The following NLGN1 variants were observed in gnomAD, a reference collection of about 807,000 sequenced individuals.
The protein encoded by NLGN1 is neuroligin 1, also known as neuroligin-1.
A neutral mutation model predicts 65.5 loss-of-function variants in NLGN1; 12 were observed. The observed-to-expected ratio is 0.18, with a 90% CI of 0.12 to 0.30. The LOEUF is 0.30. NLGN1 is among the 10% of genes least tolerant of loss of function. The pLI is 1.00. For missense variants in NLGN1, 750 were observed against 1,007.1 expected (o/e 0.74, Z 3.46); for synonymous variants, 350 against 359.5 (o/e 0.97, Z 0.30).
intron 4 of NLGN1, among the ~76,000 whole-genome samples, chr3:174,139,479 T>C (rs577632031): frequency 6.6e-6 from 1 of 152,294 alleles, no homozygotes; most frequent in East Asian, 1.9e-4. Context: ...TAATATTCCC[T>C]TGTCTGGATG....
At chr3:174,036,070 T>C (rs1362387505) in intron 4 of NLGN1, among the ~76,000 whole-genome samples, 1 of 152,210 alleles carries the variant, frequency 6.6e-6, no homozygotes, top group Non-Finnish European at 1.5e-5. Flanking sequence ...TGGCGATTTA[T>C]TAACTTATGC....
chr3:173,768,107 A>G (rs1205357106), intron 3 of NLGN1, among the ~76,000 whole-genome samples: 2 of 152,150 alleles, frequency 1.3e-5, no homozygotes, highest in East Asian at 3.9e-4. Flanking sequence ...TGAAATACTT[A>G]GATAATTTAT....
chr3:173,446,488 T>C (rs1257886702), intron 2 of NLGN1, among the ~76,000 whole-genome samples: 4 of 152,302 alleles, frequency 2.6e-5, no homozygotes, highest in African/African-American at 9.6e-5. Flanking sequence ...GGGTTGGTTC[T>C]AAGTCTTTGC....
At chr3:173,595,978 G>A (rs977077707) in intron 2 of NLGN1, among the ~76,000 whole-genome samples, 1 of 152,020 alleles carries the variant, frequency 6.6e-6, no homozygotes, top group African/African-American at 2.4e-5. Flanking sequence ...GATTTGGGTG[G>A]GTACACAGAG....
At chr3:173,984,616 A>G (rs2152399448) in intron 4 of NLGN1, among the ~76,000 whole-genome samples, 1 of 152,296 alleles carries the variant, frequency 6.6e-6, no homozygotes, top group Non-Finnish European at 1.5e-5. Context: ...TTAACCCAAC[A>G]TTTATCAAAC....
intron 4 of NLGN1, among the ~76,000 whole-genome samples, chr3:174,216,000 A>C (rs1484346242): frequency 1.3e-5 from 2 of 152,114 alleles, no homozygotes; most frequent in African/African-American, 2.4e-5. Flanking sequence ...TCAGAGGAGG[A>C]AAATGTGACC....
At chr3:173,538,503 A>C (rs1006955159) in intron 2 of NLGN1, among the ~76,000 whole-genome samples, 3 of 152,174 alleles carry the variant, frequency 2.0e-5, no homozygotes, top group Non-Finnish European at 2.9e-5. Flanking sequence ...GAGAAGGCAA[A>C]TCTAAATCCA....
intron 3 of NLGN1, among the ~76,000 whole-genome samples, chr3:173,636,507 G>T (rs532674642): frequency 6.6e-6 from 1 of 151,452 alleles, no homozygotes; most frequent in South Asian, 2.1e-4. Flanking sequence ...AATTTGTTTT[G>T]TTTTGTTAAT....
At chr3:174,211,095 G>A (rs1013498748) in intron 4 of NLGN1, among the ~76,000 whole-genome samples, 11 of 152,180 alleles carry the variant, frequency 7.2e-5, no homozygotes, top group African/African-American at 2.4e-4. Flanking sequence ...TCGCTCAGGA[G>A]TGAAGCTGCA....
chr3:174,115,412 A>G lies in NLGN1; in HGVS notation c.647-159903A>G, dbSNP rs529542345. 4.6e-4 allele frequency among the ~76,000 whole-genome samples: 70 copies of G among 152,306 alleles called. 1 individual carries two copies. Among genetic ancestry groups the G allele is most frequent in the Admixed American group, 1.8e-3 (28 of 15,300 alleles). Reference sequence around the variant, plus strand: ...CGATCTCAGCTGTTATTTAGGTTCTATCCCTGGTTCTCCATGTCACTGACT... The same window carrying G: ...CGATCTCAGCTGTTATTTAGGTTCTGTCCCTGGTTCTCCATGTCACTGACT... On this transcript the variant is annotated intron_variant, in intron 4 of 6. Coordinates refer to ENST00000457714, the Ensembl canonical transcript of NLGN1.
At position 174,279,668 on chromosome 3, in the gene NLGN1, G is replaced by A. The variant is rs773665430; in HGVS notation, c.1649+18G>A. The A allele has an allele frequency of 2.8e-6, 4 of 1,429,300 alleles. No individual in the cohort carries two copies. Among genetic ancestry groups the A allele is most frequent in the Non-Finnish European group, 3.8e-6 (4 of 1,043,812 alleles). The allele number at this position is 1,429,300 out of a possible 1,614,324, so 88.5% of individuals were successfully genotyped here. A position where few individuals can be genotyped will look rare whatever the true frequency, so the allele number is the denominator to read the frequency against. ...AAAACTGGGTATGTACCTAAGGAAT[G>A]AAGTTTATTTTTAATAAAAATGTTA... On this transcript the variant is annotated intron_variant, in intron 6 of 6. Transcript: ENST00000457714. The surrounding 1 kb of genome is among the most constrained non-coding windows in gnomAD (Gnocchi z 4.7).
intron 4 of NLGN1, among the ~76,000 whole-genome samples, chr3:173,981,831 ATT>A (rs1356828555): frequency 6.6e-6 from 1 of 152,016 alleles, no homozygotes; most frequent in Non-Finnish European, 1.5e-5. Flanking sequence ...ACTAATTTTC[ATT>A]TTCTCTTTAA....
At chr3:173,632,849 G>GTTTTTTTTT (rs5854526) in intron 3 of NLGN1, among the ~76,000 whole-genome samples, 98 of 116,412 alleles carry the variant, frequency 8.4e-4, no homozygotes, top group Admixed American at 2.5e-3. Flanking sequence ...TTTTTTTTTT[G>GTTTTTTTTT]TTTTTTTTTT....
At chr3:173,855,615 A>G (rs1396432333) in intron 4 of NLGN1, among the ~76,000 whole-genome samples, 4 of 152,182 alleles carry the variant, frequency 2.6e-5, no homozygotes, top group Non-Finnish European at 5.9e-5. Context: ...GAGACATATC[A>G]TAAACAAAAT....
chr3:174,121,360 GA>G (rs1247839770), intron 4 of NLGN1, among the ~76,000 whole-genome samples: 1 of 152,168 alleles, frequency 6.6e-6, no homozygotes, highest in Non-Finnish European at 1.5e-5. Flanking sequence ...TTTATTTTGA[GA>G]TTACTGACCA....
intron 4 of NLGN1, among the ~76,000 whole-genome samples, chr3:173,869,921 C>G (rs1730861734): frequency 6.6e-6 from 1 of 152,106 alleles, no homozygotes; most frequent in South Asian, 2.1e-4. Flanking sequence ...GCATCTGATT[C>G]AGATAAATTG....
intron 2 of NLGN1, among the ~76,000 whole-genome samples, chr3:173,484,363 T>C (rs1026425482): frequency 1.1e-4 from 16 of 152,150 alleles, no homozygotes; most frequent in African/African-American, 3.9e-4. Context: ...GGGAGAGGGA[T>C]GGATTTGTTA....
chr3:174,293,543 A>C, the NLGN1 span, among the ~76,000 whole-genome samples: 3 of 151,616 alleles, frequency 2.0e-5, no homozygotes, highest in Admixed American at 2.0e-4. Context: ...GCTTCCTCAG[A>C]GGAACAAAAG....
intron 4 of NLGN1, among the ~76,000 whole-genome samples, chr3:174,020,874 T>C (rs1268129541): frequency 1.3e-5 from 2 of 152,182 alleles, no homozygotes; most frequent in Non-Finnish European, 2.9e-5. Context: ...AGTAATTTTG[T>C]ATCCTCTAAT....
Sources: allele counts gnomAD v4.1 joint callset (sites outside exome capture counted in the v4.1 genomes callset), GRCh38; gene constraint gnomAD v4.1.1; non-coding constraint Gnocchi (gnomAD v3.1); transcripts MANE v1.5; gene names NCBI Gene and HGNC (gene_info 2026-07-23, HGNC 2026-07-21).